Variants in GFRA1 observed in about 807,000 individuals in gnomAD.
GFRA1 encodes the protein GDNF family receptor alpha 1.
Under a neutral mutation model 51.6 loss-of-function variants are expected in GFRA1, and 16 were observed. The ratio of observed to expected loss-of-function variants is 0.31; its 90% CI spans 0.21 to 0.47. The LOEUF is 0.47. GFRA1 is among the 20% of genes least tolerant of loss of function. The pLI, the probability that GFRA1 is intolerant of heterozygous loss-of-function variation, is 1.00. For synonymous variants in GFRA1, 270 were observed against 241.3 expected (o/e 1.12, Z -1.10); for missense variants, 530 against 594.3 (o/e 0.89, Z 1.13).
chr10:116,145,538 G>T (rs145834325), intron 5 of GFRA1, among the ~76,000 whole-genome samples: 1 of 152,264 alleles, frequency 6.6e-6, no homozygotes, highest in African/African-American at 2.4e-5. Context: ...TGAGAAGGGT[G>T]ATCTTTAGTT....
intron 4 of GFRA1, among the ~76,000 whole-genome samples, chr10:116,222,344 G>A (rs1353193113): frequency 6.6e-6 from 1 of 152,044 alleles, no homozygotes; most frequent in Non-Finnish European, 1.5e-5. Context: ...GATTACAGGT[G>A]CCCGCCACCA....
Position 116,111,684 on chromosome 10 carries a change from T to C in GFRA1, c.770+13537A>G, listed in dbSNP as rs1278890625. On this transcript the variant is annotated intron_variant, in intron 6 of 10. Transcript: ENST00000355422. ...GGTGAAGCCATCAGCCTAGATCACC[T>C]GGCCAACATTCTCTAAGGCAGCAGG... is the stretch of plus-strand genomic sequence containing the variant. Among the ~76,000 whole-genome samples, 3 of 152,176 alleles carry C rather than the reference T, an allele frequency of 2.0e-5. No individual in the cohort carries two copies. The East Asian group carries it at 5.8e-4, about 29-fold the overall frequency.
intron 5 of GFRA1, among the ~76,000 whole-genome samples, chr10:116,156,941 A>C (rs1720270506): frequency 6.6e-6 from 1 of 152,198 alleles, no homozygotes; most frequent in African/African-American, 2.4e-5. Flanking sequence ...TGCCAATGCC[A>C]GCTAATTATA....
intron 6 of GFRA1, among the ~76,000 whole-genome samples, chr10:116,107,544 T>C (rs576377297): frequency 3.3e-5 from 5 of 151,652 alleles, no homozygotes; most frequent in South Asian, 2.1e-4. Context: ...CAAGTTTTTA[T>C]AGGCCAATGA....
chr10:116,183,896 G>A (rs766847599), intron 5 of GFRA1, among the ~76,000 whole-genome samples: 6 of 152,162 alleles, frequency 3.9e-5, no homozygotes, highest in African/African-American at 9.7e-5. Flanking sequence ...ATCAGGACCT[G>A]GGACAGGTCT....
Position 116,244,847 on chromosome 10 carries a change from T to C in GFRA1, c.418+24656A>G, listed in dbSNP as rs1326499814. ...GTAAACAAAAATACACGTATTCACA[T>C]AGGAAAAATAAAATCATACCTAATG... is the stretch of plus-strand genomic sequence containing the variant. On this transcript the variant is annotated intron_variant, in intron 4 of 10. Transcript: ENST00000355422. 5.9e-5 allele frequency among the ~76,000 whole-genome samples: 9 copies of C among 152,198 alleles called. No homozygotes were observed. In the East Asian group the frequency reaches 1.4e-3, roughly 23 times the overall value.
chr10:116,133,533 C>G (rs1017780352), intron 5 of GFRA1, among the ~76,000 whole-genome samples: 1 of 152,206 alleles, frequency 6.6e-6, no homozygotes, highest in Non-Finnish European at 1.5e-5. Flanking sequence ...CAGCTTTCCC[C>G]CCATGGGCAT....
chr10:116,179,473 T>A (rs1351159989), intron 5 of GFRA1, among the ~76,000 whole-genome samples: 1 of 152,180 alleles, frequency 6.6e-6, no homozygotes, highest in Non-Finnish European at 1.5e-5. Flanking sequence ...GGAGATGAAG[T>A]GACTAGCCCA....
chr10:116,090,927 G>A (rs1956307535), intron 8 of GFRA1, among the ~76,000 whole-genome samples: 1 of 152,110 alleles, frequency 6.6e-6, no homozygotes, highest in South Asian at 2.1e-4. Flanking sequence ...TTGGAAGCTT[G>A]TTTTCTGCAC....
intron 5 of GFRA1, among the ~76,000 whole-genome samples, chr10:116,143,933 CT>C (rs1217143596): frequency 6.6e-6 from 1 of 152,102 alleles, no homozygotes; most frequent in East Asian, 1.9e-4. Context: ...CCTAAATGTT[CT>C]TTGTCACTGC....
At chr10:116,201,345 A>G (rs1207228943) in intron 5 of GFRA1, among the ~76,000 whole-genome samples, 1 of 152,210 alleles carries the variant, frequency 6.6e-6, no homozygotes, top group South Asian at 2.1e-4. Context: ...GTTAGGGGGC[A>G]GAAGAAAACA....
At chr10:116,262,410 G>A (rs2134768022) in intron 4 of GFRA1, among the ~76,000 whole-genome samples, 1 of 152,240 alleles carries the variant, frequency 6.6e-6, no homozygotes, top group Middle Eastern at 3.4e-3. Context: ...CTTGCCTTTA[G>A]GAAGTGGTCA....
intron 5 of GFRA1, among the ~76,000 whole-genome samples, chr10:116,196,530 T>C (rs1963772843): frequency 7.4e-6 from 1 of 134,304 alleles, no homozygotes; most frequent in Non-Finnish European, 1.5e-5. Context: ...AATTTATATA[T>C]TTATAAATTT....
At chr10:116,247,238 C>G (rs1225250587) in intron 4 of GFRA1, among the ~76,000 whole-genome samples, 1 of 152,180 alleles carries the variant, frequency 6.6e-6, no homozygotes, top group African/African-American at 2.4e-5. Context: ...TCCATGTCCT[C>G]AATTCATCAG....
chr10:116,200,228 G>T (rs1480201857), intron 5 of GFRA1, among the ~76,000 whole-genome samples: 1 of 152,194 alleles, frequency 6.6e-6, no homozygotes, highest in Admixed American at 6.5e-5. Flanking sequence ...GGGCCTGGGT[G>T]AGATCTCTGG....
intron 5 of GFRA1, among the ~76,000 whole-genome samples, chr10:116,143,068 C>T (rs1360062222): frequency 1.3e-5 from 2 of 152,138 alleles, no homozygotes; most frequent in Non-Finnish European, 2.9e-5. Flanking sequence ...GCTTTAATTG[C>T]TGCCAGTGCT....
chr10:116,080,503 A>G (rs1186817179), intron 9 of GFRA1, among the ~76,000 whole-genome samples: 1 of 152,260 alleles, frequency 6.6e-6, no homozygotes, highest in Non-Finnish European at 1.5e-5. Context: ...GAAATAAAAC[A>G]TTTAAAAAAT....
intron 5 of GFRA1, among the ~76,000 whole-genome samples, chr10:116,141,142 A>G (rs1958547709): frequency 6.6e-6 from 1 of 152,226 alleles, no homozygotes; most frequent in South Asian, 2.1e-4. Context: ...CTTGTGTTGA[A>G]TGACAGTTAC....
intron 4 of GFRA1, among the ~76,000 whole-genome samples, chr10:116,239,910 T>C (rs1326645313): frequency 1.3e-5 from 2 of 152,166 alleles, no homozygotes; most frequent in Non-Finnish European, 2.9e-5. Context: ...AATAGCGCCC[T>C]GTTAACATAG....
Sources: gnomAD v4.1 joint callset for allele counts (sites outside exome capture counted in the v4.1 genomes callset) on GRCh38, gnomAD v4.1.1 for gene constraint, MANE v1.5 for transcripts, NCBI Gene and HGNC (gene_info 2026-07-23, HGNC 2026-07-21) for gene names.